Variants in MOSMO observed in about 807,000 individuals in gnomAD.
MOSMO encodes the protein modulator of smoothened protein.
MOSMO carries 5 observed loss-of-function variants against 18.4 expected under a neutral mutation model. The ratio of observed to expected loss-of-function variants is 0.27; its 90% CI spans 0.14 to 0.57. MOSMO has a LOEUF of 0.57. Ranked by LOEUF, MOSMO falls within the 20% of genes least tolerant of loss-of-function variation. The pLI, the probability that MOSMO is intolerant of heterozygous loss-of-function variation, is 0.92. For synonymous variants in MOSMO, 82 were observed against 82.3 expected (o/e 1.00, Z 0.02); for missense variants, 138 against 211.8 (o/e 0.65, Z 2.16).
intron 1 of MOSMO, among the ~76,000 whole-genome samples, chr16:22,039,057 A>G (rs535348270): frequency 2.0e-5 from 3 of 152,322 alleles, no homozygotes; most frequent in Non-Finnish European, 2.9e-5. Flanking sequence ...ATACTGAATC[A>G]TATCAGTTTT....
chr16:22,092,651 G>C, the MOSMO span: 1 of 1,550,968 alleles, frequency 6.4e-7, no homozygotes, highest in Non-Finnish European at 8.7e-7. Context: ...AAGAAATACA[G>C]GTGAGGGTGA....
chr16:22,091,428 G>C (rs1275153452), downstream of MOSMO, among the ~76,000 whole-genome samples: 1 of 152,206 alleles, frequency 6.6e-6, no homozygotes, highest in Non-Finnish European at 1.5e-5. Context: ...CTGTAGCCCA[G>C]GCTGGAGTGC....
intron 1 of MOSMO, among the ~76,000 whole-genome samples, chr16:22,040,808 GT>G: frequency 6.6e-6 from 1 of 152,230 alleles, no homozygotes; most frequent in African/African-American, 2.4e-5. Flanking sequence ...CAGGATTATG[GT>G]TTTAAGAAAG....
At position 22,083,526 on chromosome 16, in the gene MOSMO, C is replaced by G. The variant is rs901313650; in HGVS notation, c.*2646C>G. The G allele has an allele frequency of 3.0e-6, 1 of 332,440 alleles. No homozygotes were observed. Among genetic ancestry groups the G allele is most frequent in the Non-Finnish European group, 5.7e-6 (1 of 175,618 alleles). The allele number at this position is 332,440 out of a possible 1,614,324, so 20.6% of individuals were successfully genotyped here. On this transcript the variant is annotated 3_prime_UTR_variant, in exon 3 of 3. Transcript: ENST00000542527. Reference sequence around the variant, plus strand: ...ATAAGTGAAAAGATAGACAACTGTCCGCAGTTGCTTTTAAAAAAGGTCACT... The same window carrying G: ...ATAAGTGAAAAGATAGACAACTGTCGGCAGTTGCTTTTAAAAAAGGTCACT...
chr16:22,052,091 G>A (rs985052866), intron 1 of MOSMO, among the ~76,000 whole-genome samples: 1 of 152,034 alleles, frequency 6.6e-6, no homozygotes. Flanking sequence ...TTTATTCTAC[G>A]GATATAGTTT....
In MOSMO at chr16:22,008,426, G is replaced by A. The variant is rs755333736; in HGVS notation, c.106+19G>A. On this transcript the variant is annotated intron_variant, in intron 1 of 2. Transcript: ENST00000542527. Reference sequence around the variant, plus strand: ...TCTGCGGGTGAGCCGCTGGCGCGCCGGGCCGGGCGGGGGATTGGCTGAGGG... The same window carrying A: ...TCTGCGGGTGAGCCGCTGGCGCGCCAGGCCGGGCGGGGGATTGGCTGAGGG... The A allele has an allele frequency of 5.6e-6, 7 of 1,260,502 alleles. No homozygotes were observed. The South Asian group carries it at 1.0e-4, about 18-fold the overall frequency. 78.1% of individuals were successfully genotyped at this position (1,260,502 alleles called of 1,614,324 possible).
In MOSMO at chr16:22,083,147, A is replaced by G. The variant is rs1345717587; in HGVS notation, c.*2267A>G. 6.6e-6 allele frequency: 1 copy of G among 152,258 alleles called. No individual in the cohort carries two copies. Among genetic ancestry groups the G allele is most frequent in the East Asian group, 1.9e-4 (1 of 5,202 alleles). The allele number at this position is 152,258 out of a possible 1,614,324, so 9.4% of individuals were successfully genotyped here. ...TTCCAAAAGATGAATTGTATTGTAA[A>G]TAGTTTCTCAAAATATTTTTAACTG... On this transcript the variant is annotated 3_prime_UTR_variant, in exon 3 of 3. Transcript: ENST00000542527.
chr16:22,089,600 T>G (rs755514553), downstream of MOSMO, among the ~76,000 whole-genome samples: 108 of 152,184 alleles, frequency 7.1e-4, no homozygotes, highest in Middle Eastern at 3.4e-3. Flanking sequence ...GTTCAAACAT[T>G]TGGAAGTCCC....
At chr16:22,052,829 A>G in intron 1 of MOSMO, among the ~76,000 whole-genome samples, 1 of 152,168 alleles carries the variant, frequency 6.6e-6, no homozygotes, top group East Asian at 1.9e-4. Flanking sequence ...AAAAAATTGT[A>G]AAACTACAAG....
downstream of MOSMO, among the ~76,000 whole-genome samples, chr16:22,088,080 G>T (rs539601638): frequency 6.6e-6 from 1 of 151,830 alleles, no homozygotes; most frequent in Non-Finnish European, 1.5e-5. Context: ...CCAGACTGGA[G>T]TAAGTGCAAT....
intron 1 of MOSMO, among the ~76,000 whole-genome samples, chr16:22,031,826 G>A (rs1193848502): frequency 6.6e-6 from 1 of 152,144 alleles, no homozygotes; most frequent in Non-Finnish European, 1.5e-5. Context: ...ACCATGTACA[G>A]GTTTTTGCAT....
At chr16:22,033,989 A>G (rs1264817084) in intron 1 of MOSMO, among the ~76,000 whole-genome samples, 1 of 152,218 alleles carries the variant, frequency 6.6e-6, no homozygotes, top group Non-Finnish European at 1.5e-5. Context: ...GTACTCCAGT[A>G]CATACTGGTT....
chr16:22,079,238 G>A (rs932073581), intron 2 of MOSMO, among the ~76,000 whole-genome samples: 2 of 152,094 alleles, frequency 1.3e-5, no homozygotes, highest in African/African-American at 4.8e-5. Flanking sequence ...AGTATTGCTG[G>A]GGGATAGTTT....
At chr16:22,017,240 G>A (rs1004608352) in intron 1 of MOSMO, among the ~76,000 whole-genome samples, 5 of 152,082 alleles carry the variant, frequency 3.3e-5, no homozygotes, top group Non-Finnish European at 5.9e-5. Flanking sequence ...GAACTTGTTC[G>A]TGCAACCTGA....
At chr16:22,032,054 T>C (rs1453901725) in intron 1 of MOSMO, among the ~76,000 whole-genome samples, 1 of 152,148 alleles carries the variant, frequency 6.6e-6, no homozygotes, top group Admixed American at 6.5e-5. Context: ...TCCTGTTGGG[T>C]ATGAAGTAGT....
At chr16:22,077,472 C>T (rs1456116112) in intron 2 of MOSMO, among the ~76,000 whole-genome samples, 2 of 151,994 alleles carry the variant, frequency 1.3e-5, no homozygotes, top group Non-Finnish European at 2.9e-5. Context: ...CATATTTGGC[C>T]CTGTCACCCA....
At chr16:22,077,812 G>C (rs1325772037) in intron 2 of MOSMO, among the ~76,000 whole-genome samples, 4 of 152,018 alleles carry the variant, frequency 2.6e-5, no homozygotes, top group Non-Finnish European at 4.4e-5. Context: ...TTGAGGGTGA[G>C]GATAAGGGCT....
Position 22,084,402 on chromosome 16 carries a change from G to A in MOSMO, c.*3522G>A, listed in dbSNP as rs1033019757. ...AAAACATGAAGGAAAAAAGTGGCCC[G>A]TGTAGGTAGGATTCCCTACACAGGA... is the stretch of plus-strand genomic sequence containing the variant. On this transcript the variant is annotated 3_prime_UTR_variant, in exon 3 of 3. Coordinates refer to ENST00000542527, the MANE Select transcript of MOSMO (RefSeq NM_001164579.2). The A allele has an allele frequency of 2.6e-5, 4 of 152,038 alleles. No homozygotes were observed. Among genetic ancestry groups the A allele is most frequent in the East Asian group, 1.9e-4 (1 of 5,186 alleles). 9.4% of individuals were successfully genotyped at this position (152,038 alleles called of 1,614,324 possible).
At chr16:22,059,598 G>A (rs1016818835) in intron 1 of MOSMO, among the ~76,000 whole-genome samples, 2 of 152,150 alleles carry the variant, frequency 1.3e-5, no homozygotes, top group African/African-American at 4.8e-5. Flanking sequence ...AAGGTGAAGG[G>A]GAAGCAAGGC....
Sources: gnomAD v4.1 joint callset for allele counts (sites outside exome capture counted in the v4.1 genomes callset) on GRCh38, gnomAD v4.1.1 for gene constraint, MANE v1.5 for transcripts, NCBI Gene and HGNC (gene_info 2026-07-23, HGNC 2026-07-21) for gene names.